PTPRD: variants seen among roughly 807,000 people sequenced by gnomAD.
The protein encoded by PTPRD is receptor-type tyrosine-protein phosphatase delta.
PTPRD carries 34 observed loss-of-function variants against 214.5 expected under a neutral mutation model. That is an observed-to-expected ratio of 0.16 (90% confidence interval 0.12 to 0.21). The LOEUF (loss-of-function observed/expected upper bound fraction) is 0.21, where lower values mean the gene tolerates loss of function less well. PTPRD is among the 10% of genes least tolerant of loss of function. PTPRD has a pLI of 1.00. For synonymous variants in PTPRD, 1,128 were observed against 845.7 expected (o/e 1.33, Z -5.79); for missense variants, 2,545 against 2,398.7 (o/e 1.06, Z -1.27).
intron 9 of PTPRD, among the ~76,000 whole-genome samples, chr9:9,365,456 T>C (rs552617544): frequency 6.6e-6 from 1 of 151,690 alleles, no homozygotes; most frequent in South Asian, 2.1e-4. Flanking sequence ...TATAAACAGT[T>C]GTTTAACTCA....
At chr9:9,316,053 C>T (rs1281419063) in intron 9 of PTPRD, among the ~76,000 whole-genome samples, 17 of 151,888 alleles carry the variant, frequency 1.1e-4, no homozygotes. Flanking sequence ...GTGCACATGC[C>T]TGTCCATAGA....
At chr9:9,683,024 T>C (rs1327140679) in intron 7 of PTPRD, among the ~76,000 whole-genome samples, 2 of 151,686 alleles carry the variant, frequency 1.3e-5, no homozygotes, top group African/African-American at 4.8e-5. Context: ...ATATTGGGGG[T>C]TATAGTATAA....
intron 11 of PTPRD, among the ~76,000 whole-genome samples, chr9:8,866,201 C>G (rs965878982): frequency 4.6e-5 from 7 of 152,154 alleles, no homozygotes; most frequent in Non-Finnish European, 8.8e-5. Context: ...CAAACCAAAA[C>G]TATTCTTTCC....
chr9:9,676,143 T>C (rs2096924311), intron 7 of PTPRD, among the ~76,000 whole-genome samples: 1 of 152,176 alleles, frequency 6.6e-6, no homozygotes, highest in Non-Finnish European at 1.5e-5. Context: ...TTTTTTATTA[T>C]ACTTTAAGTT....
chr9:10,032,611 T>G (rs764919912), intron 4 of PTPRD, among the ~76,000 whole-genome samples: 7 of 152,160 alleles, frequency 4.6e-5, no homozygotes, highest in Non-Finnish European at 7.4e-5. Flanking sequence ...TGTATAAATG[T>G]AAAAACACAC....
chr9:9,593,832 C>T (rs1423455753), intron 7 of PTPRD, among the ~76,000 whole-genome samples: 1 of 152,012 alleles, frequency 6.6e-6, no homozygotes, highest in Non-Finnish European at 1.5e-5. Context: ...TTCTTCAACA[C>T]AGCACCCCAC....
intron 2 of PTPRD, among the ~76,000 whole-genome samples, chr9:10,555,426 G>C (rs892662677): frequency 6.6e-6 from 1 of 152,148 alleles, no homozygotes; most frequent in Non-Finnish European, 1.5e-5. Flanking sequence ...ATAGCAGTTA[G>C]TCTTCAGATG....
intron 11 of PTPRD, among the ~76,000 whole-genome samples, chr9:8,764,105 G>C (rs1231493177): frequency 2.6e-5 from 4 of 152,096 alleles, no homozygotes; most frequent in African/African-American, 9.7e-5. Context: ...ATAAATTAAG[G>C]ACACTCTCAC....
intron 2 of PTPRD, among the ~76,000 whole-genome samples, chr9:10,431,858 C>T (rs2098682524): frequency 1.3e-5 from 2 of 152,140 alleles, no homozygotes; most frequent in Non-Finnish European, 2.9e-5. Context: ...CTAGTTCAAC[C>T]ATTGTGGAAG....
intron 7 of PTPRD, among the ~76,000 whole-genome samples, chr9:9,615,694 T>C (rs1041978865): frequency 6.6e-6 from 1 of 152,226 alleles, no homozygotes; most frequent in Middle Eastern, 3.2e-3. Flanking sequence ...TTTGCTATCA[T>C]AAGGGCTACT....
chr9:10,609,674 T>A (rs1487236535), intron 2 of PTPRD, among the ~76,000 whole-genome samples: 1 of 152,152 alleles, frequency 6.6e-6, no homozygotes, highest in Non-Finnish European at 1.5e-5. Flanking sequence ...AAAGATATCA[T>A]GGCATTCCAT....
chr9:10,581,221 T>C (rs10118067), intron 2 of PTPRD, among the ~76,000 whole-genome samples: 2,682 of 152,322 alleles, frequency 0.018, 78 homozygotes, highest in African/African-American at 0.061. Context: ...TTAAGCACTG[T>C]AGAAGTATTT....
chr9:9,954,655 A>G (rs2093754522), intron 4 of PTPRD, among the ~76,000 whole-genome samples: 1 of 152,098 alleles, frequency 6.6e-6, no homozygotes, highest in African/African-American at 2.4e-5. Context: ...ATAGGTACAT[A>G]ACAAACATCC....
At chr9:10,545,472 G>A (rs929621472) in intron 2 of PTPRD, among the ~76,000 whole-genome samples, 3 of 152,242 alleles carry the variant, frequency 2.0e-5, no homozygotes, top group East Asian at 1.9e-4. Flanking sequence ...AGTTCAACTG[G>A]TTGTAGCACA....
At chr9:9,380,941 C>G (rs1483202442) in intron 9 of PTPRD, among the ~76,000 whole-genome samples, 4 of 152,114 alleles carry the variant, frequency 2.6e-5, no homozygotes, top group Non-Finnish European at 5.9e-5. Flanking sequence ...TAATGCTCTT[C>G]TTTATTCCTG....
intron 12 of PTPRD, among the ~76,000 whole-genome samples, chr9:8,708,421 C>G (rs2098254532): frequency 6.6e-6 from 1 of 151,850 alleles, no homozygotes; most frequent in South Asian, 2.1e-4. Flanking sequence ...CATCTGTAAT[C>G]CTAGCACTTT....
At chr9:8,921,005 G>T (rs1393691804) in intron 11 of PTPRD, among the ~76,000 whole-genome samples, 1 of 152,064 alleles carries the variant, frequency 6.6e-6, no homozygotes, top group African/African-American at 2.4e-5. Context: ...GTCGAGACAG[G>T]GTATCACCAT....
chr9:8,895,132 A>G (rs1048253024), intron 11 of PTPRD, among the ~76,000 whole-genome samples: 1 of 152,238 alleles, frequency 6.6e-6, no homozygotes, highest in African/African-American at 2.4e-5. Flanking sequence ...TTACCAATTA[A>G]AGAACTTTGC....
At chr9:9,640,399 G>T (rs921081519) in intron 7 of PTPRD, among the ~76,000 whole-genome samples, 2 of 152,178 alleles carry the variant, frequency 1.3e-5, no homozygotes, top group Admixed American at 6.5e-5. Flanking sequence ...GCAGAACTGA[G>T]AGAGGAACAA....
Sources: gnomAD v4.1 joint callset for allele counts (sites outside exome capture counted in the v4.1 genomes callset) on GRCh38, gnomAD v4.1.1 for gene constraint, MANE v1.5 for transcripts, NCBI Gene and HGNC (gene_info 2026-07-23, HGNC 2026-07-21) for gene names.